IGSF21: variants seen among roughly 807,000 people sequenced by gnomAD.
IGSF21 encodes the protein immunoglobulin superfamily member 21.
Under a neutral mutation model 46.8 loss-of-function variants are expected in IGSF21, and 28 were observed. The ratio of observed to expected loss-of-function variants is 0.60; its 90% confidence interval spans 0.44 to 0.82. The LOEUF (loss-of-function observed/expected upper bound fraction) is 0.82. IGSF21 is among the 40% of genes least tolerant of loss of function. The pLI, the probability that IGSF21 is intolerant of heterozygous loss-of-function variation, is 0.00. For synonymous variants in IGSF21, 284 were observed against 273.6 expected (o/e 1.04, Z -0.38); for missense variants, 624 against 665.5 (o/e 0.94, Z 0.69).
At chr1:18,375,053 G>A (rs2086267037) in intron 6 of IGSF21, among the ~76,000 whole-genome samples, 1 of 152,104 alleles carries the variant, frequency 6.6e-6, no homozygotes, top group African/African-American at 2.4e-5. Flanking sequence ...CAGCTTAAAT[G>A]TCACCTCCTT....
chr1:18,249,837 C>T (rs2084820266), intron 2 of IGSF21, among the ~76,000 whole-genome samples: 1 of 152,184 alleles, frequency 6.6e-6, no homozygotes, highest in South Asian at 2.1e-4. Flanking sequence ...GACTGCACCC[C>T]AGGCCCTGGC....
At chr1:18,232,407 G>T (rs915387326) in intron 2 of IGSF21, among the ~76,000 whole-genome samples, 3 of 152,074 alleles carry the variant, frequency 2.0e-5, no homozygotes, top group African/African-American at 7.2e-5. Context: ...ATACTAATTT[G>T]AGTGGCTGAC....
chr1:18,306,989 G>A (rs746621775), intron 3 of IGSF21, among the ~76,000 whole-genome samples: 4 of 152,228 alleles, frequency 2.6e-5, no homozygotes, highest in African/African-American at 9.6e-5. Context: ...CTGCGTATTC[G>A]CATTTGGATT....
intron 4 of IGSF21, among the ~76,000 whole-genome samples, chr1:18,344,021 C>T (rs2085868740): frequency 6.6e-6 from 1 of 152,182 alleles, no homozygotes; most frequent in Admixed American, 6.5e-5. Flanking sequence ...AAGGCTGAGT[C>T]TACTTCCAGG....
At chr1:18,261,226 C>T (rs1044399629) in intron 2 of IGSF21, among the ~76,000 whole-genome samples, 5 of 152,118 alleles carry the variant, frequency 3.3e-5, no homozygotes, top group African/African-American at 7.2e-5. Flanking sequence ...CCCTTAGCAC[C>T]GTGGCTGGCC....
intron 3 of IGSF21, among the ~76,000 whole-genome samples, chr1:18,331,664 T>A (rs1246067134): frequency 6.6e-6 from 1 of 152,202 alleles, no homozygotes; most frequent in Admixed American, 6.5e-5. Context: ...ATTCATCTCA[T>A]TTGCATTTGA....
intron 1 of IGSF21, among the ~76,000 whole-genome samples, chr1:18,162,722 T>C (rs1263366280): frequency 3.9e-5 from 6 of 152,214 alleles, no homozygotes; most frequent in African/African-American, 1.4e-4. Context: ...AGCGTCTGCA[T>C]ATTAGGGACA....
Position 18,203,531 on chromosome 1 carries a change from A to G in IGSF21, c.71-24367A>G, listed in dbSNP as rs1570332657. Among the ~76,000 whole-genome samples the G allele has an allele frequency of 2.0e-5, 3 of 151,716 alleles. No homozygotes were observed. The South Asian group carries it at 6.3e-4, about 32-fold the overall frequency. ...ACCATGTTGGCCAGGTTGGCCTTGAACTCTTGACCTCAAGTGATCTGCCCG... is the reference window on the plus strand; with the variant it reads ...ACCATGTTGGCCAGGTTGGCCTTGAGCTCTTGACCTCAAGTGATCTGCCCG... On this transcript the variant is annotated intron_variant, in intron 1 of 9. Coordinates refer to ENST00000251296, the MANE Select transcript of IGSF21 (RefSeq NM_032880.5).
chr1:18,185,847 A>G (rs573056356), intron 1 of IGSF21, among the ~76,000 whole-genome samples: 22 of 152,304 alleles, frequency 1.4e-4, no homozygotes, highest in Admixed American at 9.8e-4. Context: ...GTTTGTTGCT[A>G]CTGTTGTTGC....
chr1:18,191,712 C>T (rs1030605792), intron 1 of IGSF21, among the ~76,000 whole-genome samples: 7 of 152,138 alleles, frequency 4.6e-5, no homozygotes, highest in African/African-American at 1.7e-4. Context: ...CTGAATTCCC[C>T]TTTTGTCACT....
chr1:18,124,981 G>A, intron 1 of IGSF21, among the ~76,000 whole-genome samples: 1 of 152,138 alleles, frequency 6.6e-6, no homozygotes, highest in East Asian at 1.9e-4. Context: ...AGGGGAAGAT[G>A]TGCCGCCAGC....
intron 1 of IGSF21, among the ~76,000 whole-genome samples, chr1:18,221,167 G>A (rs756176675): frequency 2.0e-5 from 3 of 152,176 alleles, no homozygotes. Flanking sequence ...GGGAGGCATC[G>A]TTACCCCTAT....
intron 1 of IGSF21, among the ~76,000 whole-genome samples, chr1:18,168,742 G>A (rs1282745381): frequency 6.6e-6 from 1 of 152,208 alleles, no homozygotes; most frequent in Non-Finnish European, 1.5e-5. Context: ...ATGCTCGATT[G>A]TACACAGTAG....
chr1:18,147,818 C>T (rs1218493332), intron 1 of IGSF21, among the ~76,000 whole-genome samples: 1 of 152,138 alleles, frequency 6.6e-6, no homozygotes, highest in Non-Finnish European at 1.5e-5. Flanking sequence ...TGTGTCCCCA[C>T]CCAAATCTCA....
At chr1:18,236,774 A>G (rs964090618) in intron 2 of IGSF21, among the ~76,000 whole-genome samples, 2 of 152,198 alleles carry the variant, frequency 1.3e-5, no homozygotes, top group African/African-American at 4.8e-5. Context: ...TGGTTTCAGA[A>G]ATAGTAGAGT....
rs116590561 is a variant in IGSF21 at position 18,203,867 on chromosome 1, G to T, written c.71-24031G>T. ...AGGGCAAAATCGAAACTGTTATGTGGGTATTTGTATATCATTTAAAATGTA... is the reference window on the plus strand; with the variant it reads ...AGGGCAAAATCGAAACTGTTATGTGTGTATTTGTATATCATTTAAAATGTA... On this transcript the variant is annotated intron_variant, in intron 1 of 9. Coordinates refer to ENST00000251296, the MANE Select transcript of IGSF21 (RefSeq NM_032880.5). Among the ~76,000 whole-genome samples the T allele has an allele frequency of 2.4e-3, 362 of 152,256 alleles. 2 individuals carry two copies. Among genetic ancestry groups the T allele is most frequent in the African/African-American group, 8.0e-3 (333 of 41,544 alleles).
chr1:18,294,364 CCT>C (rs755727312), intron 3 of IGSF21, among the ~76,000 whole-genome samples: 10 of 152,200 alleles, frequency 6.6e-5, no homozygotes, highest in Non-Finnish European at 1.5e-4. Context: ...AAAAAATTCA[CCT>C]TTTTACAAAT....
intron 1 of IGSF21, 111 bp from the exon 2 acceptor site, chr1:18,227,787 C>G (rs952153611): frequency 2.7e-6 from 2 of 746,748 alleles, no homozygotes; most frequent in African/African-American, 3.4e-5. Context: ...TGTGCAACTA[C>G]AGACCCCAAA....
rs181198436 is a variant in IGSF21, at chr1:18,113,559, G to A, written c.70+5361G>A. The A allele has an allele frequency of 4.0e-5, 6 of 151,830 alleles. No individual in the cohort carries two copies. In the East Asian group the frequency reaches 9.7e-4, roughly 25 times the overall value. The allele number at this position is 151,830 out of a possible 1,614,324, so 9.4% of individuals were successfully genotyped here. On this transcript the variant is annotated intron_variant, in intron 1 of 9. Coordinates refer to ENST00000251296, the MANE Select transcript of IGSF21 (RefSeq NM_032880.5). ...CCACCAGCCTTTGTTACATCTTCTG[G>A]CCACATACTAAATTTGCTTTGGGAA...
Sources: allele counts gnomAD v4.1 joint callset (sites outside exome capture counted in the v4.1 genomes callset), GRCh38; gene constraint gnomAD v4.1.1; transcripts MANE v1.5; gene names NCBI Gene and HGNC (gene_info 2026-07-23, HGNC 2026-07-21).